TGS1: variants seen among roughly 807,000 people sequenced by gnomAD.
The protein encoded by TGS1 is trimethylguanosine synthase.
Under a neutral mutation model 92.2 loss-of-function variants are expected in TGS1, and 69 were observed. The observed-to-expected ratio is 0.75, with a 90% CI of 0.62 to 0.91. The LOEUF is 0.91. Among genes scored for constraint, TGS1 ranks in the 40% least tolerant of loss-of-function variants. The pLI is 0.00. For synonymous variants in TGS1, 345 were observed against 338.1 expected (o/e 1.02, Z -0.22); for missense variants, 1,062 against 1,001.2 (o/e 1.06, Z -0.82).
chr8:55,778,960 T>A (rs1020192666), intron 1 of TGS1, among the ~76,000 whole-genome samples: 3 of 152,222 alleles, frequency 2.0e-5, no homozygotes, highest in Non-Finnish European at 4.4e-5. Context: ...AGGTGGCTGC[T>A]TAGGGCTCTA....
chr8:55,818,150 G>GAGA (rs1803535084), intron 12 of TGS1, among the ~76,000 whole-genome samples: 1 of 152,200 alleles, frequency 6.6e-6, no homozygotes, highest in Non-Finnish European at 1.5e-5. Flanking sequence ...AGCTCACCAT[G>GAGA]AGATTGGAGC....
At chr8:55,821,325 G>C (rs746358986) in intron 12 of TGS1, among the ~76,000 whole-genome samples, 21 of 152,144 alleles carry the variant, frequency 1.4e-4, no homozygotes, top group Admixed American at 6.5e-4. Context: ...TTTGTTTTTT[G>C]CTATACTGCA....
intron 2 of TGS1, among the ~76,000 whole-genome samples, chr8:55,784,685 C>T (rs1811659251): frequency 6.6e-6 from 1 of 152,130 alleles, no homozygotes; most frequent in African/African-American, 2.4e-5. Flanking sequence ...GAACCTAAAT[C>T]CCAGTTGTAT....
intron 9 of TGS1, among the ~76,000 whole-genome samples, chr8:55,804,283 A>C (rs996145033): frequency 1.1e-4 from 16 of 152,186 alleles, no homozygotes; most frequent in Admixed American, 2.6e-4. Flanking sequence ...TCTCCTAAAA[A>C]TACAAAAATT....
Position 55,790,374 on chromosome 8 carries a change from A to G in TGS1, c.1280+75A>G, listed in dbSNP as rs868084830. The stretch of plus-strand genomic sequence containing the variant: ...GTATGCATAAGCCAGTGGTTATTAA[A>G]TGATTGTTATGTTCACAACACCAGT... On this transcript the variant is annotated intron_variant, in intron 5 of 12. Transcript: ENST00000260129. 19 of 907,332 alleles carry G rather than the reference A, an allele frequency of 2.1e-5. No homozygotes were observed. In the Middle Eastern group the frequency reaches 1.1e-3, roughly 52 times the overall value. 56.2% of individuals were successfully genotyped at this position (907,332 alleles called of 1,614,324 possible).
chr8:55,809,040 CATA>C (rs1323332135), intron 10 of TGS1, among the ~76,000 whole-genome samples: 2 of 152,190 alleles, frequency 1.3e-5, no homozygotes, highest in Admixed American at 6.5e-5. Context: ...AGTTCCCTAT[CATA>C]ATGTATGTTC....
At chr8:55,792,652 G>T in intron 5 of TGS1, 46 bp from the exon 6 acceptor site, 1 of 1,324,924 alleles carries the variant, frequency 7.5e-7, no homozygotes, top group Non-Finnish European at 1.1e-6. Flanking sequence ...GAACTAGTGG[G>T]CTCTGGTGGT....
Position 55,825,871 on chromosome 8 carries a change from A to AT in TGS1, c.*1170dup, listed in dbSNP as rs940182832. Among the ~76,000 whole-genome samples the AT allele has an allele frequency of 6.9e-6, 1 of 145,394 alleles. No homozygotes were observed. Reference sequence around the variant, plus strand: ...TCTTGGTTTTTAAACTTTATGTAGCATTCTTTTTTTTTTTTTTAGACAGAG... The same window carrying AT: ...TCTTGGTTTTTAAACTTTATGTAGCATTTCTTTTTTTTTTTTTTAGACAGAG... On this transcript the variant is annotated 3_prime_UTR_variant, in exon 13 of 13. Coordinates refer to ENST00000260129, the MANE Select transcript of TGS1 (RefSeq NM_024831.8).
chr8:55,815,807 A>G (rs1266910086), intron 12 of TGS1, among the ~76,000 whole-genome samples: 1 of 152,076 alleles, frequency 6.6e-6, no homozygotes, highest in Non-Finnish European at 1.5e-5. Context: ...CAAGACATGC[A>G]TTTCTTGCTA....
At chr8:55,775,294 AGATAGG>A (rs1219000792) in intron 1 of TGS1, among the ~76,000 whole-genome samples, 42 of 152,130 alleles carry the variant, frequency 2.8e-4, no homozygotes, top group African/African-American at 9.4e-4. Context: ...GAAAGAAAGA[AGATAGG>A]GTGTGCACAG....
rs774773318 is a variant in TGS1, at chr8:55,790,216, A to G, written c.1197A>G (p.Lys399=). The G allele has an allele frequency of 1.2e-6, 2 of 1,614,084 alleles. No homozygotes were observed. The highest frequency in any genetic ancestry group is 2.2e-5 in the South Asian group (2 of 91,080). ...SQKSSGANTS[K]DRPHASGTDG... ...AGTCTTCAGGAGCAAACACAAGCAAAGACAGACCACATGCCAGTGGTACTG... is the reference window on the plus strand; with the variant it reads ...AGTCTTCAGGAGCAAACACAAGCAAGGACAGACCACATGCCAGTGGTACTG... The change falls in exon 5 of 13, where the codon AAA becomes AAG. Residue 399 remains lysine (K), a synonymous_variant. Coordinates refer to ENST00000260129, the MANE Select transcript of TGS1 (RefSeq NM_024831.8).
intron 8 of TGS1, among the ~76,000 whole-genome samples, chr8:55,801,435 T>C (rs1439329601): frequency 6.8e-6 from 1 of 146,288 alleles, no homozygotes; most frequent in African/African-American, 2.6e-5. Flanking sequence ...CGTGCCCAGC[T>C]AATTTTTGTA....
At chr8:55,788,854 A>T (rs1334984705) in intron 4 of TGS1, among the ~76,000 whole-genome samples, 3 of 152,108 alleles carry the variant, frequency 2.0e-5, no homozygotes, top group African/African-American at 4.8e-5. Context: ...AGTTTATAAT[A>T]TACATATTGG....
At chr8:55,815,539 G>A (rs1320999453) in intron 12 of TGS1, among the ~76,000 whole-genome samples, 1 of 152,160 alleles carries the variant, frequency 6.6e-6, no homozygotes, top group Non-Finnish European at 1.5e-5. Flanking sequence ...GGGATCCCAA[G>A]TGTGTCACTG....
rs1390907881 is a variant in TGS1, at chr8:55,780,792, A to G, written c.102-1956A>G. Among the ~76,000 whole-genome samples the G allele has an allele frequency of 3.9e-5, 6 of 152,310 alleles. No individual in the cohort carries two copies. In the South Asian group the frequency reaches 1.2e-3, roughly 32 times the overall value. ...CATGTATTTATTCATTTATGTTAACATGGAATCTAGATTCTTAGTTTACTA... is the reference window on the plus strand; with the variant it reads ...CATGTATTTATTCATTTATGTTAACGTGGAATCTAGATTCTTAGTTTACTA... On this transcript the variant is annotated intron_variant, in intron 1 of 12. Coordinates refer to ENST00000260129, the MANE Select transcript of TGS1 (RefSeq NM_024831.8).
At chr8:55,790,000 A>C (rs10808903) in intron 4 of TGS1, 182 bp from the exon 5 acceptor site, 426,604 of 528,646 alleles carry the variant, frequency 0.81, 173,406 homozygotes, top group African/African-American at 0.95. Flanking sequence ...CTTATAGTTA[A>C]GATTTTTAAA....
Position 55,811,010 on chromosome 8 carries a change from A to T in TGS1, c.2273A>T (p.Asp758Val), listed in dbSNP as rs1189720695. Residue 758 changes from aspartate (D) to valine (V), a missense_variant, in exon 11 of 13, where the codon GAT becomes GTT. Physicochemically the swap from Asp to Val is radical, Grantham distance 152. Coordinates refer to ENST00000260129, the MANE Select transcript of TGS1 (RefSeq NM_024831.8). The part of the protein sequence containing the change: ...FLLLASFLKA[D>V]VVFLSPPWGG... ...CTGCTGGCTTCTTTTTTAAAGGCTG[A>T]TGTTGTGTTCCTCAGCCCACCTTGG... The T allele has an allele frequency of 1.2e-6, 2 of 1,614,198 alleles. No individual in the cohort carries two copies. Among genetic ancestry groups the T allele is most frequent in the Non-Finnish European group, 1.7e-6 (2 of 1,180,030 alleles).
chr8:55,804,942 C>T lies in TGS1; in HGVS notation c.2049C>T (p.Gly683=), dbSNP rs1235511427. 1 of 1,613,826 alleles carries T rather than the reference C, an allele frequency of 6.2e-7. No individual in the cohort carries two copies. Among genetic ancestry groups the T allele is most frequent in the East Asian group, 2.2e-5 (1 of 44,854 alleles). ...AGAAGATTGCTGAACACATTGCTGG[C>T]CGTGTTAGTCAGTCCTTCAAGTGTG... ...TPEKIAEHIA[G]RVSQSFKCDV... The change falls in exon 10 of 13, where the codon GGC becomes GGT. Residue 683 remains glycine, a synonymous_variant. Coordinates refer to ENST00000260129, the MANE Select transcript of TGS1 (RefSeq NM_024831.8).
chr8:55,796,659 A>G (rs556911497), intron 7 of TGS1, among the ~76,000 whole-genome samples: 1 of 148,364 alleles, frequency 6.7e-6, no homozygotes, highest in Admixed American at 6.7e-5. Flanking sequence ...TTTCACTTCA[A>G]CTTGGGCAAC....
Sources: gnomAD v4.1 joint callset for allele counts (sites outside exome capture counted in the v4.1 genomes callset) on GRCh38, gnomAD v4.1.1 for gene constraint, MANE v1.5 for transcripts, NCBI Gene and HGNC (gene_info 2026-07-23, HGNC 2026-07-21) for gene names.